Variants in CMTM8 observed in about 807,000 individuals in gnomAD.
The protein encoded by CMTM8 is CKLF like MARVEL transmembrane domain containing 8, also known as CKLF-like MARVEL transmembrane domain-containing protein 8.
CMTM8 carries 12 observed loss-of-function variants against 18.6 expected under a neutral mutation model. The ratio of observed to expected loss-of-function variants is 0.65; its 90% CI spans 0.41 to 1.05. The LOEUF (loss-of-function observed/expected upper bound fraction) is 1.05, where lower values mean the gene tolerates loss of function less well. Ranked by LOEUF, CMTM8 falls within the 50% of genes least tolerant of loss-of-function variation. The probability of loss-of-function intolerance (pLI) is 0.00; values close to 1 mark genes in which losing one functional copy is unlikely to be tolerated. For synonymous variants in CMTM8, 87 were observed against 90.6 expected, an observed-to-expected ratio of 0.96 and a Z score of 0.23; for missense variants, 217 against 227.2, an observed-to-expected ratio of 0.95 and a Z score of 0.29.
Position 32,368,050 on chromosome 3 carries a change from G to A in CMTM8, c.438+62G>A. 3 of 1,167,156 alleles carry A rather than the reference G, an allele frequency of 2.6e-6. No homozygotes were observed. In the East Asian group the frequency reaches 7.1e-5, roughly 27 times the overall value. The allele number at this position is 1,167,156 out of a possible 1,614,324, so 72.3% of individuals were successfully genotyped here. A position where few individuals can be genotyped will look rare whatever the true frequency, so the allele number is the denominator to read the frequency against. ...CCCTCTCCAAGGCTTGCTTGGGATT[G>A]GGGAAGACAGAGTCATCTGCAGGAA... On this transcript the variant is annotated intron_variant, in intron 3 of 3. Transcript: ENST00000307526.
chr3:32,252,061 C>T (rs1436921514), intron 1 of CMTM8, among the ~76,000 whole-genome samples: 2 of 151,966 alleles, frequency 1.3e-5, no homozygotes, highest in Non-Finnish European at 2.9e-5. Flanking sequence ...TCACTGCACT[C>T]CAGCCTGGGC....
intron 1 of CMTM8, among the ~76,000 whole-genome samples, chr3:32,265,979 A>C (rs1489242402): frequency 2.6e-5 from 4 of 152,342 alleles, no homozygotes; most frequent in African/African-American, 4.8e-5. Flanking sequence ...ACCAACCAAA[A>C]AAAGTCCAGG....
intron 1 of CMTM8, among the ~76,000 whole-genome samples, chr3:32,254,297 T>C (rs1702149967): frequency 6.6e-6 from 1 of 152,224 alleles, no homozygotes; most frequent in African/African-American, 2.4e-5. Context: ...TGTTGTATAA[T>C]TGCCACTTCT....
At chr3:32,319,785 G>T (rs1174654043) in intron 1 of CMTM8, among the ~76,000 whole-genome samples, 1 of 152,254 alleles carries the variant, frequency 6.6e-6, no homozygotes, top group East Asian at 1.9e-4. Context: ...AACTGGTGCT[G>T]CTGTGAAGAC....
At chr3:32,313,363 G>T (rs1161499565) in intron 1 of CMTM8, among the ~76,000 whole-genome samples, 1 of 152,162 alleles carries the variant, frequency 6.6e-6, no homozygotes, top group Non-Finnish European at 1.5e-5. Flanking sequence ...GTATTCCTGT[G>T]TAGTGAGCTG....
intron 1 of CMTM8, among the ~76,000 whole-genome samples, chr3:32,297,387 C>T (rs1300820491): frequency 6.6e-6 from 1 of 152,168 alleles, no homozygotes; most frequent in Non-Finnish European, 1.5e-5. Context: ...ACCATGTTAG[C>T]CAGGTTGGTC....
At chr3:32,344,994 G>A (rs552716827) in intron 1 of CMTM8, among the ~76,000 whole-genome samples, 2 of 152,298 alleles carry the variant, frequency 1.3e-5, no homozygotes, top group African/African-American at 4.8e-5. Flanking sequence ...GAGGAGGGCA[G>A]TTGAAATCAG....
intron 1 of CMTM8, chr3:32,243,800 C>T (rs987932889): frequency 2.0e-5 from 3 of 152,966 alleles, no homozygotes; most frequent in African/African-American, 7.2e-5. Context: ...CCAAACAACA[C>T]AGCTGTGCAT....
chr3:32,249,265 C>T (rs1046414772), intron 1 of CMTM8, among the ~76,000 whole-genome samples: 4 of 151,186 alleles, frequency 2.6e-5, no homozygotes, highest in African/African-American at 7.3e-5. Context: ...CCCATTTCTA[C>T]AAAAAATAGA....
At chr3:32,313,895 G>A (rs1274796992) in intron 1 of CMTM8, among the ~76,000 whole-genome samples, 29 of 152,136 alleles carry the variant, frequency 1.9e-4, no homozygotes, top group Non-Finnish European at 2.9e-5. Flanking sequence ...GAATTTACTG[G>A]GTGAAAATTT....
intron 1 of CMTM8, among the ~76,000 whole-genome samples, chr3:32,264,288 T>C (rs557540543): frequency 4.4e-4 from 67 of 152,066 alleles, no homozygotes; most frequent in Middle Eastern, 3.4e-3. Flanking sequence ...AGAGTGGGGG[T>C]CAATATTCAA....
chr3:32,303,977 A>G (rs997439558), intron 1 of CMTM8, among the ~76,000 whole-genome samples: 1 of 152,206 alleles, frequency 6.6e-6, no homozygotes, highest in Non-Finnish European at 1.5e-5. Context: ...CAAATTTTCT[A>G]CTTTGTCCCA....
intron 1 of CMTM8, among the ~76,000 whole-genome samples, chr3:32,341,456 A>G (rs906615341): frequency 4.6e-5 from 7 of 152,170 alleles, no homozygotes; most frequent in Non-Finnish European, 1.5e-5. Flanking sequence ...AATAGCAACT[A>G]TCCTTTGTAG....
chr3:32,293,063 G>GTACATATATATATA (rs1158779014), intron 1 of CMTM8, among the ~76,000 whole-genome samples: 3 of 136,088 alleles, frequency 2.2e-5, no homozygotes, highest in Admixed American at 7.9e-5. Context: ...TATGATGTGT[G>GTACATATATATATA]TATATATGTG....
chr3:32,359,139 A>G (rs1367557767), intron 2 of CMTM8, among the ~76,000 whole-genome samples: 1 of 152,220 alleles, frequency 6.6e-6, no homozygotes, highest in African/African-American at 2.4e-5. Flanking sequence ...TGTTATCTAG[A>G]TCAGCAATTG....
chr3:32,321,009 G>A (rs946651781), intron 1 of CMTM8, among the ~76,000 whole-genome samples: 3 of 152,018 alleles, frequency 2.0e-5, no homozygotes, highest in African/African-American at 7.3e-5. Flanking sequence ...GGCAACAGTC[G>A]ATGACTTTCC....
intron 1 of CMTM8, among the ~76,000 whole-genome samples, chr3:32,308,165 A>C (rs958733769): frequency 2.0e-5 from 3 of 152,202 alleles, no homozygotes; most frequent in African/African-American, 7.2e-5. Context: ...TTCGCACTCT[A>C]CCGACTCCAT....
chr3:32,367,749 C>G lies in CMTM8; in HGVS notation c.322-123C>G, dbSNP rs965426123. On this transcript the variant is annotated intron_variant, in intron 2 of 3. Transcript: ENST00000307526. Reference sequence around the variant, plus strand: ...GCCTTCCCACAGCCTTCTCCCCCACCCTCCCACAGGTGTCCACTTGGGCCC... The same window carrying G: ...GCCTTCCCACAGCCTTCTCCCCCACGCTCCCACAGGTGTCCACTTGGGCCC... The G allele has an allele frequency of 3.8e-5, 24 of 627,626 alleles. No homozygotes were observed. The Admixed American group carries it at 5.4e-4, about 14-fold the overall frequency. The allele number at this position is 627,626 out of a possible 1,614,324, so 38.9% of individuals were successfully genotyped here. A position where few individuals can be genotyped will look rare whatever the true frequency, so the allele number is the denominator to read the frequency against.
At chr3:32,312,067 G>A (rs960741020) in intron 1 of CMTM8, among the ~76,000 whole-genome samples, 1 of 152,178 alleles carries the variant, frequency 6.6e-6, no homozygotes, top group African/African-American at 2.4e-5. Flanking sequence ...TGAGAGATTG[G>A]CTATACTTTG....
Sources: allele counts gnomAD v4.1 joint callset (sites outside exome capture counted in the v4.1 genomes callset), GRCh38; gene constraint gnomAD v4.1.1; transcripts MANE v1.5; gene names NCBI Gene and HGNC (gene_info 2026-07-23, HGNC 2026-07-21).